The following TENM2 variants were observed in gnomAD, a reference collection of about 807,000 sequenced individuals.
TENM2 encodes the protein teneurin transmembrane protein 2.
TENM2 carries 52 observed loss-of-function variants against 245.2 expected under a neutral mutation model. The ratio of observed to expected loss-of-function variants is 0.21; its 90% CI spans 0.17 to 0.27. The LOEUF (loss-of-function observed/expected upper bound fraction) is 0.27. Among genes scored for constraint, TENM2 ranks in the 10% least tolerant of loss-of-function variants. TENM2 has a pLI of 1.00. For synonymous variants in TENM2, 1,363 were observed against 1,438.9 expected (o/e 0.95, Z 1.19); for missense variants, 3,046 against 3,666.8 (o/e 0.83, Z 4.37).
At chr5:167,791,450 A>G (rs1732293710) in intron 2 of TENM2, among the ~76,000 whole-genome samples, 1 of 144,778 alleles carries the variant, frequency 6.9e-6, no homozygotes, top group Admixed American at 7.0e-5. Context: ...TATATAATAT[A>G]TTATATAGAT....
chr5:167,267,647 G>A, the TENM2 span, among the ~76,000 whole-genome samples: 1 of 152,152 alleles, frequency 6.6e-6, no homozygotes, highest in Non-Finnish European at 1.5e-5. Flanking sequence ...AGGGTAGTAG[G>A]CAAATGTGAG....
At position 168,015,886 on chromosome 5, in the gene TENM2, G is replaced by A. The variant is rs375187080; in HGVS notation, c.1186+22704G>A. Among the ~76,000 whole-genome samples the A allele has an allele frequency of 2.4e-4, 37 of 152,266 alleles. No individual in the cohort carries two copies. The East Asian group carries it at 4.6e-3, about 19-fold the overall frequency. On this transcript the variant is annotated intron_variant, in intron 5 of 28. Coordinates refer to ENST00000518659, the Ensembl canonical transcript of TENM2. The stretch of plus-strand genomic sequence containing the variant: ...TTGAATCCCTCGTTTAATTCTCTCC[G>A]TAAGAAGAATTGTCCCCATTTGGCA...
chr5:167,813,147 GTTTC>G, intron 2 of TENM2, among the ~76,000 whole-genome samples: 1 of 152,234 alleles, frequency 6.6e-6, no homozygotes, highest in East Asian at 1.9e-4. Context: ...TGGAAGCTCT[GTTTC>G]TTCATGAGCA....
chr5:168,010,671 G>A (rs927327168), intron 5 of TENM2, among the ~76,000 whole-genome samples: 2 of 152,248 alleles, frequency 1.3e-5, no homozygotes, highest in South Asian at 4.1e-4. Context: ...GATAAGGAGA[G>A]ATGTTCATGG....
chr5:168,020,269 T>G (rs909032829), intron 5 of TENM2, among the ~76,000 whole-genome samples: 1 of 152,102 alleles, frequency 6.6e-6, no homozygotes, highest in Non-Finnish European at 1.5e-5. Flanking sequence ...ATATTTAGAG[T>G]TCGCCCATTC....
the TENM2 span, among the ~76,000 whole-genome samples, chr5:167,172,749 G>A: frequency 6.6e-6 from 1 of 151,424 alleles, no homozygotes; most frequent in African/African-American, 2.4e-5. Context: ...TAGCCAGCAC[G>A]ATAGGCACAT....
At chr5:167,696,580 A>G (rs1435705582) in intron 2 of TENM2, among the ~76,000 whole-genome samples, 2 of 152,246 alleles carry the variant, frequency 1.3e-5, no homozygotes, top group Non-Finnish European at 2.9e-5. Flanking sequence ...GAAAATACTC[A>G]ATATATGTTT....
chr5:167,026,683 G>A, the TENM2 span, among the ~76,000 whole-genome samples: 27 of 152,156 alleles, frequency 1.8e-4, no homozygotes, highest in African/African-American at 5.8e-4. Flanking sequence ...CCGGTGAGGC[G>A]TATAGACTTT....
intron 1 of TENM2, among the ~76,000 whole-genome samples, chr5:167,342,891 T>C (rs2127819473): frequency 6.6e-6 from 1 of 151,684 alleles, no homozygotes; most frequent in African/African-American, 2.4e-5. Flanking sequence ...AGTCATTATA[T>C]GCAACTCACA....
intron 2 of TENM2, among the ~76,000 whole-genome samples, chr5:167,437,649 C>G (rs1189831144): frequency 3.9e-5 from 6 of 152,156 alleles, no homozygotes; most frequent in Non-Finnish European, 8.8e-5. Context: ...GTAACTCCCA[C>G]AATTCCCCCA....
chr5:166,997,891 A>G, the TENM2 span, among the ~76,000 whole-genome samples: 2 of 152,250 alleles, frequency 1.3e-5, no homozygotes, highest in South Asian at 4.1e-4. Flanking sequence ...CTAAACAAAA[A>G]CATAAATAAA....
intron 2 of TENM2, among the ~76,000 whole-genome samples, chr5:167,467,877 T>C (rs1188763489): frequency 6.6e-6 from 1 of 152,162 alleles, no homozygotes; most frequent in Non-Finnish European, 1.5e-5. Context: ...TCTGGAGAAA[T>C]GTTCGCTAGC....
exon 19 of TENM2, chr5:168,204,444 G>T: frequency 1.9e-6 from 3 of 1,613,996 alleles, no homozygotes; most frequent in Non-Finnish European, 2.5e-6. Context: ...AGCATCATGG[G>T]CAATGGTCGC....
intron 13 of TENM2, among the ~76,000 whole-genome samples, chr5:168,169,751 C>G (rs1758629969): frequency 6.6e-6 from 1 of 152,190 alleles, no homozygotes; most frequent in Non-Finnish European, 1.5e-5. Context: ...GCTTGGTGAA[C>G]CCACTGTAAA....
chr5:168,136,898 A>G (rs976604496), intron 12 of TENM2, among the ~76,000 whole-genome samples: 14 of 152,194 alleles, frequency 9.2e-5, no homozygotes, highest in Non-Finnish European at 2.9e-5. Flanking sequence ...AGCCAGCTCA[A>G]CTGCAAATGC....
At chr5:166,990,446 A>C in the TENM2 span, among the ~76,000 whole-genome samples, 1 of 152,230 alleles carries the variant, frequency 6.6e-6, no homozygotes, top group Non-Finnish European at 1.5e-5. Context: ...ACAAAGATTC[A>C]TCCAATAAAA....
the TENM2 span, among the ~76,000 whole-genome samples, chr5:167,151,764 G>A: frequency 2.0e-5 from 3 of 152,238 alleles, no homozygotes; most frequent in African/African-American, 4.8e-5. Flanking sequence ...TGATCCACCC[G>A]CCTCGGCCTC....
intron 2 of TENM2, among the ~76,000 whole-genome samples, chr5:167,708,346 G>A (rs1421972099): frequency 6.6e-6 from 1 of 152,088 alleles, no homozygotes; most frequent in African/African-American, 2.4e-5. Context: ...AATATTGAGA[G>A]TGTCACTGTT....
chr5:167,116,378 C>CA, the TENM2 span: 3 of 152,162 alleles, frequency 2.0e-5, no homozygotes, highest in African/African-American at 7.2e-5. Flanking sequence ...AAGGGGCCTG[C>CA]ACAGTCATTG....
Sources: allele counts gnomAD v4.1 joint callset (sites outside exome capture counted in the v4.1 genomes callset), GRCh38; gene constraint gnomAD v4.1.1; transcripts MANE v1.5; gene names NCBI Gene and HGNC (gene_info 2026-07-23, HGNC 2026-07-21).